The following TBC1D5 variants were observed in gnomAD, a reference collection of about 807,000 sequenced individuals.
TBC1D5 encodes the protein TBC1 domain family member 5.
In TBC1D5, 75 loss-of-function variants were observed where a neutral mutation model predicts 100.3. That is an observed-to-expected ratio of 0.75 (90% CI 0.62 to 0.91). The LOEUF is 0.91. Ranked by LOEUF, TBC1D5 falls within the 40% of genes least tolerant of loss-of-function variation. TBC1D5 has a pLI of 0.00. For synonymous variants in TBC1D5, 323 were observed against 325.6 expected (o/e 0.99, Z 0.09); for missense variants, 910 against 942.4 (o/e 0.97, Z 0.45).
intron 1 of TBC1D5, chr3:17,700,018 T>G (rs1212636403): frequency 6.6e-6 from 1 of 152,206 alleles, no homozygotes; most frequent in African/African-American, 2.4e-5. Context: ...GGTGACTCAA[T>G]ACAATCAAGT....
At chr3:17,506,357 G>C (rs2095845178) in intron 3 of TBC1D5, among the ~76,000 whole-genome samples, 1 of 152,098 alleles carries the variant, frequency 6.6e-6, no homozygotes, top group Admixed American at 6.5e-5. Context: ...TGAAGAACAA[G>C]ATATTTACAT....
intron 13 of TBC1D5, among the ~76,000 whole-genome samples, chr3:17,330,541 C>T (rs148725792): frequency 2.2e-4 from 33 of 152,214 alleles, no homozygotes; most frequent in East Asian, 1.4e-3. Context: ...CACGTGGCCA[C>T]GGTTCTTACT....
At chr3:17,714,446 T>C (rs2075049380) in intron 1 of TBC1D5, among the ~76,000 whole-genome samples, 1 of 152,206 alleles carries the variant, frequency 6.6e-6, no homozygotes, top group Non-Finnish European at 1.5e-5. Flanking sequence ...GACTGCTTCC[T>C]AGGCTCAGTG....
intron 1 of TBC1D5, among the ~76,000 whole-genome samples, chr3:17,731,911 G>C (rs2076591029): frequency 6.6e-6 from 1 of 152,136 alleles, no homozygotes; most frequent in Non-Finnish European, 1.5e-5. Context: ...TTCTGTTGCA[G>C]ACTTACTAAA....
chr3:17,182,008 G>GA (rs1170302905), intron 19 of TBC1D5, among the ~76,000 whole-genome samples: 5 of 151,744 alleles, frequency 3.3e-5, no homozygotes, highest in African/African-American at 1.2e-4. Context: ...CACATCTATG[G>GA]AAAAAATAAG....
intron 10 of TBC1D5, among the ~76,000 whole-genome samples, chr3:17,375,886 A>C (rs2092688352): frequency 6.6e-6 from 1 of 152,116 alleles, no homozygotes; most frequent in Non-Finnish European, 1.5e-5. Context: ...TGGCCTGATG[A>C]ATACTCCTGG....
At chr3:17,653,151 G>T (rs13096559) in intron 1 of TBC1D5, among the ~76,000 whole-genome samples, 78,349 of 151,862 alleles carry the variant, frequency 0.52, 22,009 homozygotes, top group East Asian at 0.98. Flanking sequence ...AACACAGACT[G>T]GGAGGAGTAT....
At chr3:17,693,175 G>A (rs570631870) in intron 1 of TBC1D5, among the ~76,000 whole-genome samples, 19 of 152,354 alleles carry the variant, frequency 1.2e-4, no homozygotes, top group African/African-American at 3.8e-4. Context: ...GGACGCAGAA[G>A]ACGGGTGATA....
At chr3:17,216,831 T>C (rs1018461010) in intron 17 of TBC1D5, among the ~76,000 whole-genome samples, 1 of 152,190 alleles carries the variant, frequency 6.6e-6, no homozygotes, top group Non-Finnish European at 1.5e-5. Context: ...TATATGTGAA[T>C]ACACTTTCAT....
intron 1 of TBC1D5, among the ~76,000 whole-genome samples, chr3:17,656,840 T>C (rs1219739237): frequency 6.6e-6 from 1 of 152,004 alleles, no homozygotes; most frequent in Non-Finnish European, 1.5e-5. Context: ...TATATATATA[T>C]ATAAAATGCG....
At chr3:17,616,551 G>A (rs925342136) in intron 2 of TBC1D5, among the ~76,000 whole-genome samples, 3 of 152,086 alleles carry the variant, frequency 2.0e-5, no homozygotes, top group African/African-American at 7.2e-5. Flanking sequence ...TTAAGGACTT[G>A]CTTTTTGAAA....
intron 13 of TBC1D5, among the ~76,000 whole-genome samples, chr3:17,355,183 T>A (rs903776724): frequency 6.6e-6 from 1 of 152,096 alleles, no homozygotes; most frequent in Non-Finnish European, 1.5e-5. Flanking sequence ...TTCCAACTTA[T>A]GTTCAAAAAA....
At chr3:17,583,332 T>C (rs1356753265) in intron 2 of TBC1D5, among the ~76,000 whole-genome samples, 2 of 152,000 alleles carry the variant, frequency 1.3e-5, no homozygotes, top group Admixed American at 6.6e-5. Context: ...AAATATATAA[T>C]CATTTTTCTA....
At chr3:17,524,902 G>A (rs2096112139) in intron 2 of TBC1D5, among the ~76,000 whole-genome samples, 1 of 148,830 alleles carries the variant, frequency 6.7e-6, no homozygotes, top group African/African-American at 2.5e-5. Flanking sequence ...AGGTAATCTA[G>A]AAATAGAATA....
At chr3:17,239,740 G>C (rs2076158528) in intron 16 of TBC1D5, among the ~76,000 whole-genome samples, 1 of 148,466 alleles carries the variant, frequency 6.7e-6, no homozygotes, top group Non-Finnish European at 1.5e-5. Context: ...CTGGCAAATA[G>C]AGGGCACCAA....
At chr3:17,527,457 C>T (rs2096152876) in intron 2 of TBC1D5, among the ~76,000 whole-genome samples, 1 of 152,146 alleles carries the variant, frequency 6.6e-6, no homozygotes, top group South Asian at 2.1e-4. Context: ...CTTTCATACA[C>T]AGTGGCATGG....
chr3:17,519,059 A>T (rs1040378899), intron 2 of TBC1D5: 1 of 152,330 alleles, frequency 6.6e-6, no homozygotes, highest in African/African-American at 2.4e-5. Context: ...TCCCATGAAG[A>T]AGTCAAGCAA....
intron 14 of TBC1D5, among the ~76,000 whole-genome samples, chr3:17,297,752 C>CT (rs78233692): frequency 0.023 from 3,179 of 140,154 alleles, 70 homozygotes; most frequent in Middle Eastern, 0.032. Context: ...CTGGCTAATT[C>CT]TTTTTTTTTT....
At chr3:17,567,588 G>A (rs964672348) in intron 2 of TBC1D5, among the ~76,000 whole-genome samples, 12 of 151,764 alleles carry the variant, frequency 7.9e-5, no homozygotes, top group African/African-American at 2.6e-4. Flanking sequence ...TATGTGAAGC[G>A]ACTTCCTGAT....
Sources: allele counts gnomAD v4.1 joint callset (sites outside exome capture counted in the v4.1 genomes callset), GRCh38; gene constraint gnomAD v4.1.1; transcripts MANE v1.5; gene names NCBI Gene and HGNC (gene_info 2026-07-23, HGNC 2026-07-21).